The following BFSP1 variants were observed in gnomAD, a reference collection of about 807,000 sequenced individuals.
BFSP1 encodes filensin.
BFSP1 carries 38 observed loss-of-function variants against 43.9 expected under a neutral mutation model. That is an observed-to-expected ratio of 0.87 (90% CI 0.67 to 1.14). BFSP1 has a LOEUF of 1.14. Ranked by LOEUF, BFSP1 falls within the 50% of genes most tolerant of loss-of-function variation. The pLI is 0.00. For synonymous variants in BFSP1, 352 were observed against 354.8 expected, an observed-to-expected ratio of 0.99 and a Z score of 0.09; for missense variants, 850 against 875.1, an observed-to-expected ratio of 0.97 and a Z score of 0.36.
intron 2 of BFSP1, 36 bp from the exon 3 acceptor site, chr20:17,514,852 C>T (rs757558347): frequency 3.8e-6 from 6 of 1,594,944 alleles, no homozygotes; most frequent in Middle Eastern, 1.9e-4. Flanking sequence ...GCCACAGGCA[C>T]CATGGAGCAT....
upstream of BFSP1, among the ~76,000 whole-genome samples, chr20:17,534,492 A>C: frequency 6.6e-6 from 1 of 152,178 alleles, no homozygotes. Context: ...TTTCACTCTC[A>C]AGGGTATCTT....
At chr20:17,546,170 G>A (rs897504322) in intron 1 of BFSP1, among the ~76,000 whole-genome samples, 48 of 152,236 alleles carry the variant, frequency 3.2e-4, no homozygotes, top group African/African-American at 1.2e-3. Context: ...CGAGTGGCTG[G>A]GGAGGCATCA....
intron 1 of BFSP1, among the ~76,000 whole-genome samples, chr20:17,526,095 C>CATTT (rs1217409287): frequency 8.7e-6 from 1 of 115,552 alleles, no homozygotes; most frequent in Admixed American, 1.4e-4. Context: ...AAGCCAATGA[C>CATTT]ATTTTGGGTA....
At chr20:17,539,105 CTTTTTTTTTTTT>C (rs1156875265) in intron 1 of BFSP1, among the ~76,000 whole-genome samples, 5 of 63,564 alleles carry the variant, frequency 7.9e-5, no homozygotes, top group African/African-American at 2.7e-4. Context: ...ATTTCTTCTT[CTTTTTTTTTTTT>C]TTTTTTTTTT....
chr20:17,561,337 A>G (rs147044457), upstream of BFSP1, among the ~76,000 whole-genome samples: 9 of 150,962 alleles, frequency 6.0e-5, no homozygotes, highest in East Asian at 1.7e-3. Flanking sequence ...TCTGTACTAA[A>G]AATACAAAAA....
chr20:17,530,998 C>A lies in BFSP1; in HGVS notation c.332G>T (p.Arg111Leu). The change falls in exon 1 of 8, where the codon CGC becomes CTC. Residue 111 changes from arginine (R) to leucine (L), a missense_variant. Coordinates refer to ENST00000377873, the MANE Select transcript of BFSP1 (RefSeq NM_001195.5). ...CGCGCGCTGCGCCTCGGTGCCCTGG[C>A]GCTCCAGCCGGGCGCGCTCGGCCTC... ...DLEAERARLE[R>L]QGTEAQRALD... is the part of the protein sequence containing the mutation. The A allele has an allele frequency of 7.0e-7, 1 of 1,437,758 alleles. No homozygotes were observed. The highest frequency in any genetic ancestry group is 9.1e-7 in the Non-Finnish European group (1 of 1,100,418). The allele number at this position is 1,437,758 out of a possible 1,614,324, so 89.1% of individuals were successfully genotyped here.
chr20:17,567,680 G>A (rs921671120), intron 1 of BFSP1, among the ~76,000 whole-genome samples: 2 of 152,054 alleles, frequency 1.3e-5, no homozygotes, highest in African/African-American at 4.8e-5. Flanking sequence ...TGACCAACAC[G>A]GAGAAACCTT....
intron 1 of BFSP1, among the ~76,000 whole-genome samples, chr20:17,539,078 C>T (rs1397180576): frequency 1.4e-5 from 2 of 144,308 alleles, no homozygotes; most frequent in Non-Finnish European, 3.0e-5. Flanking sequence ...GAATTGGGCA[C>T]ATGCATCCAT....
chr20:17,500,565 TTGA>T (rs1568682356), intron 5 of BFSP1, among the ~76,000 whole-genome samples: 1 of 152,244 alleles, frequency 6.6e-6, no homozygotes, highest in African/African-American at 2.4e-5. Flanking sequence ...CACATAATAC[TTGA>T]TGATGATAAT....
At position 17,508,826 on chromosome 20, in the gene BFSP1, C is replaced by T. The variant is rs866153763; in HGVS notation, c.735+63G>A. 50 of 1,390,790 alleles carry T rather than the reference C, an allele frequency of 3.6e-5. No homozygotes were observed. In the Middle Eastern group the frequency reaches 1.9e-3, roughly 53 times the overall value. 86.2% of individuals were successfully genotyped at this position (1,390,790 alleles called of 1,614,324 possible). The stretch of plus-strand genomic sequence containing the variant: ...TCCTCAAGCTGCATGCGTGTGCCTG[C>T]GCGTAACACCTCCATGAAACATGTG... On this transcript the variant is annotated intron_variant, in intron 5 of 7. Coordinates refer to ENST00000377873, the MANE Select transcript of BFSP1 (RefSeq NM_001195.5).
intron 1 of BFSP1, among the ~76,000 whole-genome samples, chr20:17,544,536 G>A (rs941810758): frequency 6.6e-6 from 1 of 152,136 alleles, no homozygotes; most frequent in Non-Finnish European, 1.5e-5. Flanking sequence ...AGATAATAAT[G>A]TAACAAAACA....
At chr20:17,560,301 T>C (rs928598310), upstream of BFSP1, 1 of 152,224 alleles carries the variant, frequency 6.6e-6, no homozygotes, top group Non-Finnish European at 1.5e-5. Context: ...AGCCATCTCT[T>C]CCATATTCAT....
At chr20:17,553,776 C>T (rs1044301655) in intron 1 of BFSP1, among the ~76,000 whole-genome samples, 7 of 106,224 alleles carry the variant, frequency 6.6e-5, no homozygotes, top group African/African-American at 3.3e-4. Flanking sequence ...AATATATAAA[C>T]ATATATATAT....
At chr20:17,568,237 TAAGC>T (rs2035145352) in intron 1 of BFSP1, among the ~76,000 whole-genome samples, 1 of 152,098 alleles carries the variant, frequency 6.6e-6, no homozygotes, top group African/African-American at 2.4e-5. Context: ...CAGCAAATTT[TAAGC>T]AAGAATGTAA....
intron 3 of BFSP1, 95 bp downstream of exon 3, chr20:17,514,626 T>C: frequency 1.6e-6 from 2 of 1,239,068 alleles, no homozygotes; most frequent in East Asian, 2.4e-5. Flanking sequence ...GGTATGCCAC[T>C]CTAGCAGTCT....
chr20:17,497,495 T>C (rs2033667613), intron 6 of BFSP1, among the ~76,000 whole-genome samples: 1 of 146,986 alleles, frequency 6.8e-6, no homozygotes, highest in South Asian at 2.1e-4. Flanking sequence ...TGTATATATA[T>C]ATACACGTAT....
chr20:17,555,821 C>T (rs1430894205), intron 1 of BFSP1, among the ~76,000 whole-genome samples: 1 of 152,002 alleles, frequency 6.6e-6, no homozygotes, highest in Non-Finnish European at 1.5e-5. Flanking sequence ...TAGAACTTCA[C>T]AAGAAGATTG....
At chr20:17,561,904 G>A (rs539570355), upstream of BFSP1, among the ~76,000 whole-genome samples, 44 of 152,136 alleles carry the variant, frequency 2.9e-4, no homozygotes, top group South Asian at 1.2e-3. Context: ...TTTCTAGAGA[G>A]AGGTTTTATA....
At chr20:17,551,907 C>T (rs1454497755) in intron 1 of BFSP1, among the ~76,000 whole-genome samples, 1 of 151,954 alleles carries the variant, frequency 6.6e-6, no homozygotes, top group African/African-American at 2.4e-5. Context: ...ATTGTTTGAA[C>T]CCAGGAGGCA....
Sources: gnomAD v4.1 joint callset for allele counts (sites outside exome capture counted in the v4.1 genomes callset) on GRCh38, gnomAD v4.1.1 for gene constraint, MANE v1.5 for transcripts, NCBI Gene and HGNC (gene_info 2026-07-23, HGNC 2026-07-21) for gene names.